CEP44: variants seen among roughly 807,000 people sequenced by gnomAD.
CEP44 encodes the protein centrosomal protein of 44 kDa.
In CEP44, 45 loss-of-function variants were observed where a neutral mutation model predicts 46.7. The observed-to-expected ratio is 0.96, with a 90% confidence interval of 0.76 to 1.24. CEP44 has a LOEUF of 1.24. CEP44 is among the 50% of genes most tolerant of loss of function. The pLI is 0.00. For missense variants in CEP44, 475 were observed against 459.7 expected (o/e 1.03, Z -0.30); for synonymous variants, 142 against 146.0 (o/e 0.97, Z 0.20).
chr4:174,323,980 G>A (rs563383634), downstream of CEP44, among the ~76,000 whole-genome samples: 19 of 152,210 alleles, frequency 1.2e-4, no homozygotes, highest in African/African-American at 3.1e-4. Context: ...TTGACTTTTC[G>A]CTATGTAGGT....
rs548946581 is a variant in CEP44, at chr4:174,327,183, A to G, written c.1087-4299A>G. Among the ~76,000 whole-genome samples the G allele has an allele frequency of 3.6e-5, 5 of 140,272 alleles. No individual in the cohort carries two copies. In the East Asian group the frequency reaches 1.0e-3, roughly 28 times the overall value. The allele number at this position is 140,272 out of a possible 152,430, so 92.0% of individuals were successfully genotyped here. A position where few individuals can be genotyped will look rare whatever the true frequency, so the allele number is the denominator to read the frequency against. On this transcript the variant is annotated intron_variant, in intron 8 of 8. Coordinates refer to the CEP44 transcript ENST00000426172. ...TGTGTGTGTATATATATGTATATAT[A>G]TATTTAGAGAGAGAGAGAGAGAGAA...
chr4:174,287,054 T>C lies in CEP44; in HGVS notation c.-148+3111T>C, dbSNP rs564786849. On this transcript the variant is annotated intron_variant, in intron 1 of 11. Coordinates refer to ENST00000503780, the MANE Select transcript of CEP44 (RefSeq NM_001040157.3). The surrounding 1 kb of genome is among the most constrained non-coding windows in gnomAD (Gnocchi z 5.1). ...CTAACCAGCAGGAGTTTGGGACCGATGACAGTGCAAAACATCTTGACTGAC... is the reference window on the plus strand; with the variant it reads ...CTAACCAGCAGGAGTTTGGGACCGACGACAGTGCAAAACATCTTGACTGAC... 5.3e-5 allele frequency among the ~76,000 whole-genome samples: 8 copies of C among 152,338 alleles called. No individual in the cohort carries two copies. In the South Asian group the frequency reaches 1.5e-3, roughly 28 times the overall value.
chr4:174,295,353 G>A (rs1016577848), intron 1 of CEP44, among the ~76,000 whole-genome samples: 5 of 151,220 alleles, frequency 3.3e-5, no homozygotes, highest in Admixed American at 6.6e-5. Flanking sequence ...CAGACGGGGC[G>A]GCAGGGGCAG....
Position 174,331,371 on chromosome 4 carries a change from G to C in CEP44, c.1087-111G>C. The C allele has an allele frequency of 9.0e-7, 1 of 1,113,316 alleles. No individual in the cohort carries two copies. The highest frequency in any genetic ancestry group is 1.2e-6 in the Non-Finnish European group (1 of 819,710). 69.0% of individuals were successfully genotyped at this position (1,113,316 alleles called of 1,614,324 possible). On this transcript the variant is annotated intron_variant, in intron 8 of 8. Coordinates refer to the CEP44 transcript ENST00000426172. This position sits in a 1 kb window ranked among gnomAD's most constrained non-coding sequence, Gnocchi z 4.5. ...CATTATTTTCAGAGTACCTATTATG[G>C]AAGAGGAGGAAATATTAATAGCACT...
chr4:174,320,608 AG>A (rs1742225106), downstream of CEP44, among the ~76,000 whole-genome samples: 9 of 151,034 alleles, frequency 6.0e-5, no homozygotes, highest in Admixed American at 6.0e-4. Flanking sequence ...TTTACGCAAA[AG>A]GACTAGCATA....
rs758326607 is a variant in CEP44, at chr4:174,288,993, C to A, written c.-148+5050C>A. 6.6e-6 allele frequency among the ~76,000 whole-genome samples: 1 copy of A among 152,076 alleles called. No individual in the cohort carries two copies. The highest frequency in any genetic ancestry group is 1.5e-5 in the Non-Finnish European group (1 of 67,992). On this transcript the variant is annotated intron_variant, in intron 1 of 11. Transcript: ENST00000503780. This position sits in a 1 kb window ranked among gnomAD's most constrained non-coding sequence, Gnocchi z 4.6. ...AAAGAGTATCGAATTTTGTCAAGTG[C>A]TTTTTCTGCATCTGTGCAGATGCCC...
In CEP44 at chr4:174,292,824, T is replaced by C. The variant is rs149457661; in HGVS notation, c.-147-5142T>C. On this transcript the variant is annotated intron_variant, in intron 1 of 11. Transcript: ENST00000503780. ...TTATTTGTTTGTTTGTTTTTGTAGC[T>C]CATTGAGCTTAAGATGATTATTTTG... Among the ~76,000 whole-genome samples the C allele has an allele frequency of 4.2e-3, 645 of 152,342 alleles. 4 individuals carry two copies. The highest frequency in any genetic ancestry group is 0.014 in the African/African-American group (602 of 41,572).
At chr4:174,317,221 A>G (rs1232551231) in intron 11 of CEP44, 114 bp from the exon 12 acceptor site, 5 of 420,466 alleles carry the variant, frequency 1.2e-5, no homozygotes, top group Non-Finnish European at 1.6e-5. Flanking sequence ...GTACTTATAG[A>G]TAAGAAAAAT....
chr4:174,309,836 T>A lies in CEP44; in HGVS notation c.679-14T>A. On this transcript the variant is annotated splice_polypyrimidine_tract_variant and intron_variant, in intron 7 of 11. Coordinates refer to ENST00000503780, the MANE Select transcript of CEP44 (RefSeq NM_001040157.3). This position sits in a 1 kb window ranked among gnomAD's most constrained non-coding sequence, Gnocchi z 5.3. ...TTTGTTTAATTTTATTTTTAATCTC[T>A]CTAACCTTTTTAGGATGTAAATGTT... 1 of 1,541,078 alleles carries A rather than the reference T, an allele frequency of 6.5e-7. No homozygotes were observed. The highest frequency in any genetic ancestry group is 8.9e-7 in the Non-Finnish European group (1 of 1,121,538).
rs1032771032 is a variant in CEP44, at chr4:174,329,087, C to T, written c.1087-2395C>T. ...GCAGCCACGTGAGTAGCCAGAACTACAGATGTGTGCCACTGCACCTGGATT... is the reference window on the plus strand; with the variant it reads ...GCAGCCACGTGAGTAGCCAGAACTATAGATGTGTGCCACTGCACCTGGATT... On this transcript the variant is annotated intron_variant, in intron 8 of 8. Transcript: ENST00000426172. The surrounding 1 kb of genome is among the most constrained non-coding windows in gnomAD (Gnocchi z 4.0). 2.0e-5 allele frequency among the ~76,000 whole-genome samples: 3 copies of T among 152,072 alleles called. No individual in the cohort carries two copies. The highest frequency in any genetic ancestry group is 4.4e-5 in the Non-Finnish European group (3 of 68,024).
At chr4:174,305,479 C>T (rs115793751) in intron 6 of CEP44, among the ~76,000 whole-genome samples, 1,551 of 152,108 alleles carry the variant, frequency 0.01, 25 homozygotes, top group African/African-American at 0.035. Context: ...TTCCTTTATA[C>T]CTTAAAAAAG....
Position 174,317,900 on chromosome 4 carries a change from C to G in CEP44, c.*517C>G. ...CAGTTATTTCATGCTTGGTCAAAAA[C>G]ATCAATACCTTTCCAATTAACACTG... is the stretch of plus-strand genomic sequence containing the variant. On this transcript the variant is annotated 3_prime_UTR_variant, in exon 12 of 12. Coordinates refer to ENST00000503780, the MANE Select transcript of CEP44 (RefSeq NM_001040157.3). 1.0e-6 allele frequency: 1 copy of G among 985,540 alleles called. No individual in the cohort carries two copies. The highest frequency in any genetic ancestry group is 1.7e-5 in the African/African-American group (1 of 57,360). The allele number at this position is 985,540 out of a possible 1,614,324, so 61.0% of individuals were successfully genotyped here.
chr4:174,321,751 AC>A (rs201901131), downstream of CEP44, among the ~76,000 whole-genome samples: 1,293 of 152,274 alleles, frequency 8.5e-3, 20 homozygotes, highest in African/African-American at 0.03. Flanking sequence ...GGTCTTACAA[AC>A]TTTTTCTGAA....
Position 174,329,594 on chromosome 4 carries a change from A to G in CEP44, c.1087-1888A>G, listed in dbSNP as rs1200711444. On this transcript the variant is annotated intron_variant, in intron 8 of 8. Transcript: ENST00000426172. This position sits in a 1 kb window ranked among gnomAD's most constrained non-coding sequence, Gnocchi z 4.0. ...TCACACTTTATAGCTTGAAGAATGT[A>G]CTTTACTCATGGGAACTAAAAATGT... Among the ~76,000 whole-genome samples, 7 of 152,176 alleles carry G rather than the reference A, an allele frequency of 4.6e-5. No individual in the cohort carries two copies. Among genetic ancestry groups the G allele is most frequent in the Admixed American group, 3.9e-4 (6 of 15,276 alleles).
intron 1 of CEP44, among the ~76,000 whole-genome samples, chr4:174,289,551 G>C (rs191434819): frequency 2.0e-4 from 30 of 151,478 alleles, no homozygotes; most frequent in African/African-American, 6.8e-4. Flanking sequence ...GTTCATAATA[G>C]TCCCTTATGA....
chr4:174,321,683 T>A (rs116780114), downstream of CEP44, among the ~76,000 whole-genome samples: 2 of 152,160 alleles, frequency 1.3e-5, no homozygotes. Flanking sequence ...TCTGAAGATA[T>A]GGAAAGCAAT....
chr4:174,316,329 A>T, intron 10 of CEP44, 39 bp downstream of exon 10: 2 of 1,581,464 alleles, frequency 1.3e-6, no homozygotes, highest in Non-Finnish European at 1.7e-6. Flanking sequence ...CTAAATGAGG[A>T]AAACAAGCAA....
intron 1 of CEP44, among the ~76,000 whole-genome samples, chr4:174,284,449 A>G (rs1737331373): frequency 6.6e-6 from 1 of 152,150 alleles, no homozygotes; most frequent in South Asian, 2.1e-4. Context: ...TCCTGACTAT[A>G]AGGAAGACAG....
Position 174,288,267 on chromosome 4 carries a change from C to CT in CEP44, c.-148+4331dup, listed in dbSNP as rs1394764416. On this transcript the variant is annotated intron_variant, in intron 1 of 11. Transcript: ENST00000503780. The surrounding 1 kb of genome is among the most constrained non-coding windows in gnomAD (Gnocchi z 4.6). ...CCTTGAAAAGTTTCCTTCTACTCAT[C>CT]TTTTTTTCACGTTTTGTGATAAGAG... 2.0e-5 allele frequency among the ~76,000 whole-genome samples: 3 copies of CT among 152,272 alleles called. No homozygotes were observed. Among genetic ancestry groups the CT allele is most frequent in the East Asian group, 1.9e-4 (1 of 5,188 alleles).
Sources: gnomAD v4.1 joint callset for allele counts (sites outside exome capture counted in the v4.1 genomes callset) on GRCh38, gnomAD v4.1.1 for gene constraint, Gnocchi (gnomAD v3.1) non-coding constraint, MANE v1.5 for transcripts, NCBI Gene and HGNC (gene_info 2026-07-23, HGNC 2026-07-21) for gene names.